The following DSTN variants were observed in gnomAD, a reference collection of about 807,000 sequenced individuals.
DSTN encodes the protein destrin.
In DSTN, 10 loss-of-function variants were observed where a neutral mutation model predicts 16.8. The ratio of observed to expected loss-of-function variants is 0.60; its 90% confidence interval spans 0.37 to 1.01. The LOEUF is 1.01. Ranked by LOEUF, DSTN falls within the 50% of genes least tolerant of loss-of-function variation. The pLI, the probability that DSTN is intolerant of heterozygous loss-of-function variation, is 0.01. For missense variants in DSTN, 141 were observed against 196.7 expected, an observed-to-expected ratio of 0.72 and a Z score of 1.69; for synonymous variants, 57 against 58.9, an observed-to-expected ratio of 0.97 and a Z score of 0.14.
chr20:17,579,807 G>A (rs1413592471), intron 1 of DSTN, among the ~76,000 whole-genome samples: 1 of 152,234 alleles, frequency 6.6e-6, no homozygotes, highest in Admixed American at 6.5e-5. Flanking sequence ...AGGAAGACCT[G>A]CCTGACATGA....
chr20:17,601,498 T>C (rs1002962549), intron 2 of DSTN, among the ~76,000 whole-genome samples: 1 of 152,192 alleles, frequency 6.6e-6, no homozygotes, highest in Non-Finnish European at 1.5e-5. Context: ...CTGCTATAAT[T>C]TGCTCTACAG....
At chr20:17,577,515 C>G (rs887188988) in intron 1 of DSTN, among the ~76,000 whole-genome samples, 1 of 151,380 alleles carries the variant, frequency 6.6e-6, no homozygotes, top group African/African-American at 2.4e-5. Context: ...TGTGGTGAAC[C>G]GAGATCACGC....
At chr20:17,570,587 G>T (rs930099666) in intron 1 of DSTN, among the ~76,000 whole-genome samples, 3 of 151,670 alleles carry the variant, frequency 2.0e-5, no homozygotes, top group African/African-American at 4.8e-5. Flanking sequence ...GGAGTGGGGG[G>T]CGGGGGGCGT....
chr20:17,570,875 C>T (rs2035196558), intron 1 of DSTN, among the ~76,000 whole-genome samples: 1 of 152,104 alleles, frequency 6.6e-6, no homozygotes, highest in South Asian at 2.1e-4. Flanking sequence ...TTGGCAGTGT[C>T]TGTTTTAACC....
At chr20:17,580,757 A>G (rs1229891642) in intron 1 of DSTN, among the ~76,000 whole-genome samples, 3 of 152,154 alleles carry the variant, frequency 2.0e-5, no homozygotes, top group Non-Finnish European at 4.4e-5. Flanking sequence ...TCAAAAAAAA[A>G]AAAAAATGGG....
In DSTN at chr20:17,607,184, A is replaced by G; in HGVS notation, c.*38A>G. ...CACAAATTGAAAGCTTCCATGTTTA[A>G]TGTTATCCTCTTGCTATATAAATAA... On this transcript the variant is annotated 3_prime_UTR_variant, in exon 4 of 4. Transcript: ENST00000246069. 1.3e-6 allele frequency: 2 copies of G among 1,582,152 alleles called. No homozygotes were observed. Among genetic ancestry groups the G allele is most frequent in the Non-Finnish European group, 1.7e-6 (2 of 1,156,310 alleles).
intron 1 of DSTN, among the ~76,000 whole-genome samples, chr20:17,571,661 A>G (rs2035208736): frequency 1.3e-5 from 2 of 152,226 alleles, no homozygotes; most frequent in Admixed American, 6.5e-5. Context: ...AGTGCTTTGA[A>G]GCTGACTAGG....
chr20:17,594,815 T>C (rs57311058), intron 1 of DSTN, among the ~76,000 whole-genome samples: 2,507 of 152,264 alleles, frequency 0.016, 61 homozygotes, highest in African/African-American at 0.058. Context: ...AGTAAGATAA[T>C]GGAGGAGTTG....
intron 2 of DSTN, among the ~76,000 whole-genome samples, chr20:17,601,482 C>T (rs1213979748): frequency 1.3e-5 from 2 of 152,144 alleles, no homozygotes; most frequent in Non-Finnish European, 2.9e-5. Flanking sequence ...TGGTACCATT[C>T]CCTCCCTGCT....
chr20:17,589,252 C>G (rs2035444936), intron 1 of DSTN, among the ~76,000 whole-genome samples: 1 of 151,872 alleles, frequency 6.6e-6, no homozygotes, highest in African/African-American at 2.4e-5. Flanking sequence ...GCTGTGTCGC[C>G]CAGGCTGGAG....
chr20:17,575,042 A>G (rs1403529651), intron 1 of DSTN, among the ~76,000 whole-genome samples: 2 of 151,820 alleles, frequency 1.3e-5, no homozygotes, highest in African/African-American at 2.4e-5. Context: ...AATTTTTTGT[A>G]GAAATGAGAT....
At position 17,608,147 on chromosome 20, in the gene DSTN, G is replaced by A. The variant is rs1023384909; in HGVS notation, c.*1001G>A. On this transcript the variant is annotated 3_prime_UTR_variant, in exon 4 of 4. Transcript: ENST00000246069. ...TGGAAGCGGTCATTGTTAATATCAC[G>A]GGCGTAACACTTTGAACGATATAGA... The A allele has an allele frequency of 2.2e-4, 34 of 152,126 alleles. No homozygotes were observed. The highest frequency in any genetic ancestry group is 6.8e-4 in the African/African-American group (28 of 41,410). The allele number at this position is 152,126 out of a possible 1,614,324, so 9.4% of individuals were successfully genotyped here.
intron 1 of DSTN, among the ~76,000 whole-genome samples, chr20:17,593,697 G>A (rs1461867696): frequency 6.6e-6 from 1 of 152,228 alleles, no homozygotes; most frequent in Non-Finnish European, 1.5e-5. Context: ...AGTATGGCAA[G>A]TACAAATGAC....
chr20:17,591,998 A>G (rs1462741182), intron 1 of DSTN: 14 of 985,382 alleles, frequency 1.4e-5, no homozygotes, highest in Non-Finnish European at 1.7e-5. Context: ...GGAGATACAC[A>G]GGCACTACGA....
At position 17,608,518 on chromosome 20, in the gene DSTN, TACTTTGGATGCTGAGGTGGGA is replaced by T. The variant is rs1439283373; in HGVS notation, c.*1373_*1393del. ...GGTGGTGCACGTCAGTAGTCCCAGCTACTTTGGATGCTGAGGTGGGAGGATCACTTGAGCCCAGGAGGTGAG... is the reference window on the plus strand; with the variant it reads ...GGTGGTGCACGTCAGTAGTCCCAGCTGGATCACTTGAGCCCAGGAGGTGAG... On this transcript the variant is annotated 3_prime_UTR_variant, in exon 4 of 4. Coordinates refer to ENST00000246069, the MANE Select transcript of DSTN (RefSeq NM_006870.4). 4 of 151,880 alleles carry T rather than the reference TACTTTGGATGCTGAGGTGGGA, an allele frequency of 2.6e-5. No individual in the cohort carries two copies. Among genetic ancestry groups the T allele is most frequent in the Admixed American group, 2.6e-4 (4 of 15,248 alleles). 9.4% of individuals were successfully genotyped at this position (151,880 alleles called of 1,614,324 possible). A position where few individuals can be genotyped will look rare whatever the true frequency, so the allele number is the denominator to read the frequency against.
At chr20:17,579,707 G>T (rs2035322460) in intron 1 of DSTN, among the ~76,000 whole-genome samples, 2 of 152,242 alleles carry the variant, frequency 1.3e-5, no homozygotes, top group African/African-American at 2.4e-5. Context: ...CTATCCAAGT[G>T]GAAGAAGCCA....
intron 1 of DSTN, among the ~76,000 whole-genome samples, chr20:17,574,239 A>T (rs1403899408): frequency 6.6e-6 from 1 of 152,142 alleles, no homozygotes; most frequent in Non-Finnish European, 1.5e-5. Context: ...CCAGAACCTC[A>T]TACTGAGGAG....
intron 1 of DSTN, among the ~76,000 whole-genome samples, chr20:17,593,000 C>T (rs913356185): frequency 6.6e-6 from 1 of 152,210 alleles, no homozygotes; most frequent in Non-Finnish European, 1.5e-5. Context: ...AAGCACAACT[C>T]TGTTCCTCTT....
intron 1 of DSTN, among the ~76,000 whole-genome samples, chr20:17,584,549 G>A (rs1280825685): frequency 6.6e-6 from 1 of 152,040 alleles, no homozygotes; most frequent in Non-Finnish European, 1.5e-5. Flanking sequence ...CTACTCGGGA[G>A]GCTGAGGCAG....
Sources: gnomAD v4.1 joint callset for allele counts (sites outside exome capture counted in the v4.1 genomes callset) on GRCh38, gnomAD v4.1.1 for gene constraint, MANE v1.5 for transcripts, NCBI Gene and HGNC (gene_info 2026-07-23, HGNC 2026-07-21) for gene names.